The following SDK1 variants were observed in gnomAD, a reference collection of about 807,000 sequenced individuals.
The protein encoded by SDK1 is protein sidekick-1.
SDK1 carries 157 observed loss-of-function variants against 245.5 expected under a neutral mutation model. The observed-to-expected ratio is 0.64, with a 90% CI of 0.56 to 0.73. The LOEUF (loss-of-function observed/expected upper bound fraction) is 0.73, where lower values mean the gene tolerates loss of function less well. Ranked by LOEUF, SDK1 falls within the 30% of genes least tolerant of loss-of-function variation. The pLI is 0.00. For missense variants in SDK1, 3,583 were observed against 3,002.3 expected (o/e 1.19, Z -4.52); for synonymous variants, 1,647 against 1,278.5 (o/e 1.29, Z -6.15).
In SDK1 at chr7:3,722,592, G is replaced by A. The variant is rs530269006; in HGVS notation, c.713+80487G>A. Among the ~76,000 whole-genome samples the A allele has an allele frequency of 7.2e-5, 11 of 152,276 alleles. No individual in the cohort carries two copies. The East Asian group carries it at 1.2e-3, about 16-fold the overall frequency. ...CTCCTTAGGGATGCACTGTGTGTACGCGCCTTAGCACGCTGCACAATTCCG... is the reference window on the plus strand; with the variant it reads ...CTCCTTAGGGATGCACTGTGTGTACACGCCTTAGCACGCTGCACAATTCCG... On this transcript the variant is annotated intron_variant, in intron 4 of 44. Transcript: ENST00000404826.
rs10253359 is a variant in SDK1 at position 3,558,808 on chromosome 7, C to T, written c.299-60272C>T. On this transcript the variant is annotated intron_variant, in intron 1 of 44. Coordinates refer to ENST00000404826, the MANE Select transcript of SDK1 (RefSeq NM_152744.4). ...TTTTTCTCCTCTGCTAATGACAAGG[C>T]AGTCTATATTAGAGACTGTCAAAAT... Among the ~76,000 whole-genome samples, 371 of 152,306 alleles carry T rather than the reference C, an allele frequency of 2.4e-3. 4 individuals carry two copies. Among genetic ancestry groups the T allele is most frequent in the African/African-American group, 8.3e-3 (347 of 41,580 alleles).
intron 4 of SDK1, among the ~76,000 whole-genome samples, chr7:3,679,165 G>T (rs182695486): frequency 6.6e-6 from 1 of 152,274 alleles, no homozygotes; most frequent in East Asian, 1.9e-4. Context: ...GAAAAAACAG[G>T]CTGCAAACTA....
chr7:3,756,438 A>G (rs1318040338), intron 4 of SDK1, among the ~76,000 whole-genome samples: 1 of 152,066 alleles, frequency 6.6e-6, no homozygotes, highest in African/African-American at 2.4e-5. Flanking sequence ...TTCACATGGC[A>G]TAGCACATGT....
intron 1 of SDK1, among the ~76,000 whole-genome samples, chr7:3,605,100 A>G (rs188051271): frequency 3.9e-4 from 59 of 150,596 alleles, no homozygotes; most frequent in African/African-American, 1.4e-3. Flanking sequence ...GATGTTTTCT[A>G]TCTTGATTAA....
At position 3,543,242 on chromosome 7, in the gene SDK1, A is replaced by G. The variant is rs145797551; in HGVS notation, c.299-75838A>G. ...GTAGAGAACTTGCCATTGAAATGGC[A>G]TTAGTGATAGGATTTGACGTTTTGA... On this transcript the variant is annotated intron_variant, in intron 1 of 44. Coordinates refer to ENST00000404826, the MANE Select transcript of SDK1 (RefSeq NM_152744.4). Among the ~76,000 whole-genome samples, 119 of 152,372 alleles carry G rather than the reference A, an allele frequency of 7.8e-4. 2 individuals are homozygous for G. The highest frequency in any genetic ancestry group is 2.8e-3 in the African/African-American group (116 of 41,586).
At chr7:4,167,583 A>G (rs913962035) in intron 32 of SDK1, among the ~76,000 whole-genome samples, 1 of 152,188 alleles carries the variant, frequency 6.6e-6, no homozygotes, top group African/African-American at 2.4e-5. Flanking sequence ...GCAGTGACAC[A>G]CAGATGAGGT....
chr7:3,825,250 C>T (rs2115065046), intron 5 of SDK1, among the ~76,000 whole-genome samples: 1 of 146,606 alleles, frequency 6.8e-6, no homozygotes, highest in South Asian at 2.2e-4. Context: ...GAAGATTTTA[C>T]GTTGAGTTAA....
intron 4 of SDK1, among the ~76,000 whole-genome samples, chr7:3,799,011 T>G (rs1053798983): frequency 6.6e-6 from 1 of 152,200 alleles, no homozygotes; most frequent in African/African-American, 2.4e-5. Flanking sequence ...TAATTTGAAT[T>G]CTCCTGCAAG....
At chr7:3,460,064 T>C (rs1356502924) in intron 1 of SDK1, among the ~76,000 whole-genome samples, 4 of 152,232 alleles carry the variant, frequency 2.6e-5, no homozygotes, top group African/African-American at 9.6e-5. Flanking sequence ...TTTTATTGTT[T>C]ATTAAGATAT....
At chr7:4,052,391 T>C (rs920629574) in intron 19 of SDK1, among the ~76,000 whole-genome samples, 1 of 152,026 alleles carries the variant, frequency 6.6e-6, no homozygotes, top group East Asian at 1.9e-4. Flanking sequence ...TTTATATATA[T>C]ACAAGGCGGC....
intron 5 of SDK1, among the ~76,000 whole-genome samples, chr7:3,937,091 G>T (rs1191788195): frequency 2.0e-5 from 3 of 152,118 alleles, no homozygotes; most frequent in Non-Finnish European, 2.9e-5. Flanking sequence ...GTGTGCCCCA[G>T]GAGCACGGCA....
At chr7:3,889,170 G>A (rs1781400360) in intron 5 of SDK1, among the ~76,000 whole-genome samples, 1 of 152,210 alleles carries the variant, frequency 6.6e-6, no homozygotes, top group Admixed American at 6.5e-5. Context: ...ATGCCTCTGA[G>A]ATTCAATCAA....
intron 4 of SDK1, among the ~76,000 whole-genome samples, chr7:3,697,032 C>G (rs1056180510): frequency 6.6e-6 from 1 of 152,126 alleles, no homozygotes; most frequent in Non-Finnish European, 1.5e-5. Flanking sequence ...GATATACTCT[C>G]TCAGGTTCTT....
intron 4 of SDK1, among the ~76,000 whole-genome samples, chr7:3,799,513 G>A (rs1287551392): frequency 1.3e-5 from 2 of 150,886 alleles, no homozygotes; most frequent in African/African-American, 2.4e-5. Flanking sequence ...GACCATCCTG[G>A]CTAACATGGT....
intron 1 of SDK1, among the ~76,000 whole-genome samples, chr7:3,501,438 C>T (rs1001453962): frequency 1.6e-4 from 25 of 151,722 alleles, no homozygotes; most frequent in African/African-American, 5.3e-4. Context: ...GAGTGACAGC[C>T]TAAGGGATTG....
In SDK1 at chr7:3,637,074, A is replaced by AGT. The variant is rs761567538; in HGVS notation, c.459-1928_459-1927dup. ...GATGCAGAGAGAGAGAGAGAGAGAG[A>AGT]GTGCGTGCGCGCGTGTGTGTGTGTG... On this transcript the variant is annotated intron_variant, in intron 2 of 44. Coordinates refer to ENST00000404826, the MANE Select transcript of SDK1 (RefSeq NM_152744.4). Among the ~76,000 whole-genome samples, 1,220 of 138,632 alleles carry AGT rather than the reference A, an allele frequency of 8.8e-3. 2 individuals are homozygous for AGT. Among genetic ancestry groups the AGT allele is most frequent in the Non-Finnish European group, 0.015 (949 of 64,072 alleles). 90.9% of individuals were successfully genotyped at this position (138,632 alleles called of 152,430 possible).
At chr7:3,394,719 A>C (rs756899602) in intron 1 of SDK1, among the ~76,000 whole-genome samples, 14 of 152,042 alleles carry the variant, frequency 9.2e-5, no homozygotes, top group Non-Finnish European at 1.8e-4. Flanking sequence ...TTACAGTACA[A>C]GTCTTGTTCT....
intron 5 of SDK1, among the ~76,000 whole-genome samples, chr7:3,867,790 G>T (rs1221316606): frequency 6.6e-6 from 1 of 152,196 alleles, no homozygotes; most frequent in Non-Finnish European, 1.5e-5. Context: ...TTGGGGTAGT[G>T]TGCTTGTTTC....
At chr7:4,126,357 C>T (rs1203911297) in intron 25 of SDK1, among the ~76,000 whole-genome samples, 1 of 152,204 alleles carries the variant, frequency 6.6e-6, no homozygotes, top group Non-Finnish European at 1.5e-5. Flanking sequence ...TGAATCAGTG[C>T]AAACATATCA....
Sources: allele counts gnomAD v4.1 joint callset (sites outside exome capture counted in the v4.1 genomes callset), GRCh38; gene constraint gnomAD v4.1.1; transcripts MANE v1.5; gene names NCBI Gene and HGNC (gene_info 2026-07-23, HGNC 2026-07-21).